The following OPCML variants were observed in gnomAD, a reference collection of about 807,000 sequenced individuals.
OPCML encodes the protein opioid binding protein/cell adhesion molecule like.
A neutral mutation model predicts 37.8 loss-of-function variants in OPCML; 13 were observed. That is an observed-to-expected ratio of 0.34 (90% CI 0.22 to 0.55). The LOEUF (loss-of-function observed/expected upper bound fraction) is 0.55. Ranked by LOEUF, OPCML falls within the 20% of genes least tolerant of loss-of-function variation. OPCML has a pLI of 0.91. For synonymous variants in OPCML, 176 were observed against 168.8 expected, an observed-to-expected ratio of 1.04 and a Z score of -0.33; for missense variants, 341 against 435.6, an observed-to-expected ratio of 0.78 and a Z score of 1.93.
intron 3 of OPCML, among the ~76,000 whole-genome samples, chr11:132,552,308 C>T (rs192061329): frequency 6.6e-5 from 10 of 152,290 alleles, no homozygotes; most frequent in Non-Finnish European, 1.5e-4. Context: ...GACCTCTCCC[C>T]CATTCATGTG....
chr11:133,046,826 T>A (rs1379197435), intron 1 of OPCML, among the ~76,000 whole-genome samples: 2 of 152,166 alleles, frequency 1.3e-5, no homozygotes, highest in African/African-American at 4.8e-5. Context: ...TAAATATTCA[T>A]AAACATATCA....
chr11:132,900,704 T>G (rs1257007053), intron 2 of OPCML, among the ~76,000 whole-genome samples: 1 of 152,174 alleles, frequency 6.6e-6, no homozygotes, highest in Non-Finnish European at 1.5e-5. Flanking sequence ...CTGCACATTC[T>G]GTTCCTTCTC....
chr11:133,118,670 C>T (rs1339773581), intron 1 of OPCML, among the ~76,000 whole-genome samples: 5 of 151,940 alleles, frequency 3.3e-5, no homozygotes, highest in Admixed American at 2.6e-4. Flanking sequence ...AAAGTCTTGT[C>T]CCCAGTTCAC....
Position 132,420,000 on chromosome 11 carries a change from A to G in OPCML, c.*193T>C. 6.7e-6 allele frequency: 2 copies of G among 298,132 alleles called. No homozygotes were observed. The highest frequency in any genetic ancestry group is 5.4e-5 in the South Asian group (2 of 36,960). The allele number at this position is 298,132 out of a possible 1,614,324, so 18.5% of individuals were successfully genotyped here. A position where few individuals can be genotyped will look rare whatever the true frequency, so the allele number is the denominator to read the frequency against. On this transcript the variant is annotated 3_prime_UTR_variant, in exon 8 of 8. Transcript: ENST00000524381. ...TCCTACACGTGGTAGAACCCTGCCC[A>G]CCCCGCCCCCAACCCCACTCATTCA...
intron 1 of OPCML, among the ~76,000 whole-genome samples, chr11:133,045,548 A>G (rs979440589): frequency 1.3e-5 from 2 of 152,166 alleles, no homozygotes; most frequent in Non-Finnish European, 2.9e-5. Flanking sequence ...TCTCTCTAAA[A>G]TAGATGATAA....
chr11:132,869,981 A>G (rs369442498), intron 2 of OPCML, among the ~76,000 whole-genome samples: 3 of 152,186 alleles, frequency 2.0e-5, no homozygotes, highest in Middle Eastern at 3.2e-3. Flanking sequence ...GAGTGTAGAA[A>G]TCATAATTAT....
chr11:133,261,789 C>T (rs1048178713), intron 1 of OPCML, among the ~76,000 whole-genome samples: 15 of 152,196 alleles, frequency 9.9e-5, no homozygotes, highest in African/African-American at 3.6e-4. Context: ...ACTTCAATTG[C>T]CTTCTTCTGT....
intron 1 of OPCML, chr11:133,025,002 C>T: frequency 1.0e-5 from 10 of 985,404 alleles, no homozygotes; most frequent in Non-Finnish European, 1.2e-5. Context: ...ATAATTCTGA[C>T]ACAGGAAGTC....
intron 1 of OPCML, chr11:133,420,939 C>T (rs2136893487): frequency 1.0e-6 from 1 of 985,134 alleles, no homozygotes; most frequent in Non-Finnish European, 1.2e-6. Context: ...GATAATTGGT[C>T]TTGAAAATGA....
At chr11:132,718,219 G>C (rs953688979) in intron 2 of OPCML, among the ~76,000 whole-genome samples, 1 of 152,152 alleles carries the variant, frequency 6.6e-6, no homozygotes, top group South Asian at 2.1e-4. Context: ...GATTCTCCTC[G>C]AGCTCAAGCC....
At chr11:133,458,249 T>TATATACACGTGTGTGTATATATATACAC (rs1565644755) in intron 1 of OPCML, among the ~76,000 whole-genome samples, 4 of 58,504 alleles carry the variant, frequency 6.8e-5, no homozygotes, top group African/African-American at 2.1e-4. Context: ...TATATACACA[T>TATATACACGTGTGTGTATATATATACAC]ATATATACAC....
intron 4 of OPCML, among the ~76,000 whole-genome samples, chr11:132,455,941 CCT>C (rs1388672629): frequency 6.6e-6 from 1 of 151,894 alleles, no homozygotes; most frequent in Non-Finnish European, 1.5e-5. Context: ...GTAGTGGAAT[CCT>C]CTCTCTCTCT....
intron 1 of OPCML, among the ~76,000 whole-genome samples, chr11:133,261,063 T>G (rs766374505): frequency 6.6e-6 from 1 of 152,216 alleles, no homozygotes; most frequent in Non-Finnish European, 1.5e-5. Context: ...TTCCTTGGCT[T>G]AACAAAACAA....
intron 3 of OPCML, among the ~76,000 whole-genome samples, chr11:132,643,427 G>A (rs1438202971): frequency 2.6e-5 from 4 of 152,164 alleles, no homozygotes; most frequent in East Asian, 3.9e-4. Flanking sequence ...GCTTGCACCG[G>A]GAGGGCTGCA....
intron 2 of OPCML, among the ~76,000 whole-genome samples, chr11:132,860,998 T>C (rs78811746): frequency 0.023 from 3,556 of 152,290 alleles, 60 homozygotes; most frequent in Middle Eastern, 0.058. Context: ...CAAACTAATA[T>C]ATTGTACAAG....
chr11:133,319,969 C>T (rs1943292281), intron 1 of OPCML, among the ~76,000 whole-genome samples: 1 of 152,178 alleles, frequency 6.6e-6, no homozygotes, highest in Admixed American at 6.5e-5. Flanking sequence ...CTTAAACCTT[C>T]AAAGTTTTCC....
At chr11:133,229,806 T>A (rs1280360701) in intron 1 of OPCML, among the ~76,000 whole-genome samples, 1 of 152,238 alleles carries the variant, frequency 6.6e-6, no homozygotes, top group Non-Finnish European at 1.5e-5. Flanking sequence ...CACTTTGTTT[T>A]CACTTCTTCC....
chr11:133,153,633 T>A (rs1950017612), intron 1 of OPCML, among the ~76,000 whole-genome samples: 1 of 151,956 alleles, frequency 6.6e-6, no homozygotes, highest in Non-Finnish European at 1.5e-5. Context: ...AGAGTTGGGG[T>A]AACAGCAGAG....
chr11:132,443,220 C>A (rs2096042567), intron 4 of OPCML, among the ~76,000 whole-genome samples: 1 of 152,126 alleles, frequency 6.6e-6, no homozygotes, highest in South Asian at 2.1e-4. Context: ...AGGAAAAGAA[C>A]AACAGGAGAT....
Sources: gnomAD v4.1 joint callset for allele counts (sites outside exome capture counted in the v4.1 genomes callset) on GRCh38, gnomAD v4.1.1 for gene constraint, MANE v1.5 for transcripts, NCBI Gene and HGNC (gene_info 2026-07-23, HGNC 2026-07-21) for gene names.